PHLPP1: variants seen among roughly 807,000 people sequenced by gnomAD.
The protein encoded by PHLPP1 is PH domain leucine-rich repeat-containing protein phosphatase 1.
Under a neutral mutation model 117.2 loss-of-function variants are expected in PHLPP1, and 42 were observed. That is an observed-to-expected ratio of 0.36 (90% confidence interval 0.28 to 0.46). The LOEUF (loss-of-function observed/expected upper bound fraction) is 0.46. Ranked by LOEUF, PHLPP1 falls within the 20% of genes least tolerant of loss-of-function variation. The pLI is 1.00. For missense variants in PHLPP1, 2,084 were observed against 2,241.9 expected, an observed-to-expected ratio of 0.93 and a Z score of 1.42; for synonymous variants, 1,042 against 970.7, an observed-to-expected ratio of 1.07 and a Z score of -1.37.
chr18:62,792,669 G>A (rs1913496639), intron 1 of PHLPP1, among the ~76,000 whole-genome samples: 1 of 151,988 alleles, frequency 6.6e-6, no homozygotes, highest in Non-Finnish European at 1.5e-5. Flanking sequence ...CCAGGAGTTT[G>A]TGACCAGTCT....
At chr18:62,928,001 A>T (rs919784004) in intron 10 of PHLPP1, among the ~76,000 whole-genome samples, 1 of 152,178 alleles carries the variant, frequency 6.6e-6, no homozygotes, top group African/African-American at 2.4e-5. Flanking sequence ...TAAAAGGCAA[A>T]TATTTAGATT....
intron 10 of PHLPP1, among the ~76,000 whole-genome samples, chr18:62,928,604 G>T (rs142105075): frequency 3.3e-4 from 50 of 152,276 alleles, no homozygotes; most frequent in Non-Finnish European, 5.7e-4. Flanking sequence ...CAGATTGTCA[G>T]TTCCTCAAAT....
chr18:62,820,359 A>G (rs1446591861), intron 1 of PHLPP1, among the ~76,000 whole-genome samples: 2 of 152,254 alleles, frequency 1.3e-5, no homozygotes, highest in African/African-American at 4.8e-5. Context: ...AGTTTATAGA[A>G]TAATGCACTC....
Position 62,919,947 on chromosome 18 carries a change from CT to C in PHLPP1, c.2805-7del. On this transcript the variant is annotated splice_polypyrimidine_tract_variant and intron_variant, in intron 9 of 16. Coordinates refer to ENST00000262719, the MANE Select transcript of PHLPP1 (RefSeq NM_194449.4). ...TTTTTCATTTTTTGGTCTTTTGTCCCTTTTTATACAGCTTATTTTGTAATAG... is the reference window on the plus strand; with the variant it reads ...TTTTTCATTTTTTGGTCTTTTGTCCCTTTTATACAGCTTATTTTGTAATAG... 1.3e-6 allele frequency: 2 copies of C among 1,569,868 alleles called. No individual in the cohort carries two copies. Among genetic ancestry groups the C allele is most frequent in the Admixed American group, 1.9e-5 (1 of 52,672 alleles).
chr18:62,849,797 C>CAAAAAAAAAA (rs1159265423), intron 3 of PHLPP1, among the ~76,000 whole-genome samples: 1 of 7,400 alleles, frequency 1.4e-4, no homozygotes, highest in Non-Finnish European at 2.4e-4. Flanking sequence ...CCTGTCTCTA[C>CAAAAAAAAAA]AAAAAAAAAA....
At chr18:62,894,218 T>C (rs995646895) in intron 4 of PHLPP1, among the ~76,000 whole-genome samples, 2 of 152,144 alleles carry the variant, frequency 1.3e-5, no homozygotes, top group East Asian at 1.9e-4. Context: ...TTTTTTGAGA[T>C]AGAGTGTCAC....
At chr18:62,811,768 C>T (rs1914129646) in intron 1 of PHLPP1, among the ~76,000 whole-genome samples, 1 of 151,844 alleles carries the variant, frequency 6.6e-6, no homozygotes, top group African/African-American at 2.4e-5. Context: ...TGAGAGAAGC[C>T]ATCTATTTGG....
chr18:62,740,843 A>G (rs1330569136), intron 1 of PHLPP1, among the ~76,000 whole-genome samples: 1 of 152,122 alleles, frequency 6.6e-6, no homozygotes, highest in Non-Finnish European at 1.5e-5. Flanking sequence ...GTGGTGGTGC[A>G]CACCTTTGTA....
chr18:62,866,869 A>G (rs1411123558), intron 4 of PHLPP1, among the ~76,000 whole-genome samples: 2 of 151,804 alleles, frequency 1.3e-5, no homozygotes, highest in African/African-American at 4.8e-5. Flanking sequence ...CCATCCCTCT[A>G]CTGCACACAC....
At chr18:62,810,026 T>C (rs1299967541) in intron 1 of PHLPP1, among the ~76,000 whole-genome samples, 1 of 152,224 alleles carries the variant, frequency 6.6e-6, no homozygotes, top group African/African-American at 2.4e-5. Flanking sequence ...GGTTTTTAAG[T>C]CTTTTCTGAG....
At chr18:62,815,650 A>G (rs1438264861) in intron 1 of PHLPP1, among the ~76,000 whole-genome samples, 3 of 152,152 alleles carry the variant, frequency 2.0e-5, no homozygotes, top group Non-Finnish European at 4.4e-5. Context: ...AGGAAGCTAT[A>G]TGCTTTTATG....
chr18:62,807,451 T>A (rs1200821961), intron 1 of PHLPP1, among the ~76,000 whole-genome samples: 2 of 152,218 alleles, frequency 1.3e-5, no homozygotes, highest in Non-Finnish European at 2.9e-5. Flanking sequence ...GAAGGTATAA[T>A]TCTTGTATTC....
intron 1 of PHLPP1, among the ~76,000 whole-genome samples, chr18:62,778,830 G>A (rs1309512861): frequency 6.6e-6 from 1 of 152,164 alleles, no homozygotes; most frequent in Non-Finnish European, 1.5e-5. Flanking sequence ...TGATGATGTG[G>A]TATAGATTTT....
At chr18:62,937,548 A>G (rs1467561517) in intron 10 of PHLPP1, among the ~76,000 whole-genome samples, 3 of 152,196 alleles carry the variant, frequency 2.0e-5, no homozygotes, top group African/African-American at 4.8e-5. Flanking sequence ...TTGGAGACAC[A>G]TGGTAGAAAA....
intron 10 of PHLPP1, among the ~76,000 whole-genome samples, chr18:62,932,547 C>A (rs1196789351): frequency 6.6e-6 from 1 of 152,120 alleles, no homozygotes. Flanking sequence ...TGAAAAAAGT[C>A]TTTGATTAAA....
Position 62,941,812 on chromosome 18 carries a change from T to G in PHLPP1, c.3055T>G (p.Leu1019Val). Residue 1019 changes from leucine (L) to valine (V), a missense_variant, in exon 11 of 17, where the codon TTG (leucine) becomes GTG (valine). Transcript: ENST00000262719. ...AAACAGTATCTTACAAGAGTTGTAT[T>G]TGACAAATAACAGCCTCACAGACAA... ...ETNSILQELY[L>V]TNNSLTDKCV... The G allele has an allele frequency of 6.2e-7, 1 of 1,613,996 alleles. No homozygotes were observed. Among genetic ancestry groups the G allele is most frequent in the Non-Finnish European group, 8.5e-7 (1 of 1,179,862 alleles).
At chr18:62,935,054 A>T (rs895350791) in intron 10 of PHLPP1, among the ~76,000 whole-genome samples, 1 of 152,242 alleles carries the variant, frequency 6.6e-6, no homozygotes, top group Non-Finnish European at 1.5e-5. Flanking sequence ...GAAAAGATCA[A>T]TTAGAGGCAT....
intron 1 of PHLPP1, among the ~76,000 whole-genome samples, chr18:62,738,680 GT>G: frequency 6.6e-6 from 1 of 152,060 alleles, no homozygotes; most frequent in Admixed American, 6.6e-5. Flanking sequence ...TCTAAATTAG[GT>G]ACAGTAAGAG....
At chr18:62,804,736 C>T (rs971446495) in intron 1 of PHLPP1, among the ~76,000 whole-genome samples, 2 of 150,662 alleles carry the variant, frequency 1.3e-5, no homozygotes, top group Non-Finnish European at 3.0e-5. Context: ...CACGGTCTCG[C>T]TCTGTGGCCC....
Sources: allele counts gnomAD v4.1 joint callset (sites outside exome capture counted in the v4.1 genomes callset), GRCh38; gene constraint gnomAD v4.1.1; transcripts MANE v1.5; gene names NCBI Gene and HGNC (gene_info 2026-07-23, HGNC 2026-07-21).